ZFR: variants seen among roughly 807,000 people sequenced by gnomAD.
ZFR encodes zinc finger RNA-binding protein.
A neutral mutation model predicts 130.7 loss-of-function variants in ZFR; 19 were observed. That is an observed-to-expected ratio of 0.15 (90% CI 0.10 to 0.21). The LOEUF (loss-of-function observed/expected upper bound fraction) is 0.21, where lower values mean the gene tolerates loss of function less well. Among genes scored for constraint, ZFR ranks in the 10% least tolerant of loss-of-function variants. The pLI is 1.00. For synonymous variants in ZFR, 466 were observed against 456.9 expected (o/e 1.02, Z -0.25); for missense variants, 872 against 1,321.5 (o/e 0.66, Z 5.27).
chr5:32,405,624 C>A (rs1000663350), intron 6 of ZFR, among the ~76,000 whole-genome samples: 3 of 152,164 alleles, frequency 2.0e-5, no homozygotes, highest in African/African-American at 7.2e-5. Flanking sequence ...GACACTAACC[C>A]CTCTGAACAG....
chr5:32,430,922 C>G (rs1687401850), intron 2 of ZFR, among the ~76,000 whole-genome samples: 1 of 151,986 alleles, frequency 6.6e-6, no homozygotes, highest in South Asian at 2.1e-4. Flanking sequence ...CTAAAAAATA[C>G]AAAAATTAGC....
At chr5:32,419,760 T>C (rs1426311925) in intron 3 of ZFR, 61 bp downstream of exon 3, 5 of 1,524,688 alleles carry the variant, frequency 3.3e-6, no homozygotes, top group African/African-American at 1.4e-5. Flanking sequence ...GGGCATTACA[T>C]TATACACTGA....
In ZFR at chr5:32,395,236, C is replaced by G; in HGVS notation, c.1902G>C (p.Glu634Asp). 6.2e-7 allele frequency: 1 copy of G among 1,611,088 alleles called. No individual in the cohort carries two copies. Among genetic ancestry groups the G allele is most frequent in the Non-Finnish European group, 8.5e-7 (1 of 1,178,508 alleles). ...PSIRARKIQE[E>D]KMRKQMQKEE... ...CCTTCTGCATTTGCTTCCTCATTTTCTCTTCTTGAATCTTTCTTGCTCGAA... is the reference window on the plus strand; with the variant it reads ...CCTTCTGCATTTGCTTCCTCATTTTGTCTTCTTGAATCTTTCTTGCTCGAA... Residue 634 changes from glutamate (E) to aspartate (D), a missense_variant, in exon 11 of 20, where the codon GAG becomes GAC. Transcript: ENST00000265069.
intron 6 of ZFR, 62 bp downstream of exon 6, chr5:32,406,712 T>G: frequency 6.5e-7 from 1 of 1,543,604 alleles, no homozygotes; most frequent in Non-Finnish European, 8.7e-7. Flanking sequence ...GCTCAGGAGT[T>G]AGAATACCAA....
rs549048621 is a variant in ZFR at position 32,442,081 on chromosome 5, T to C, written c.137+2148A>G. 3.9e-5 allele frequency among the ~76,000 whole-genome samples: 6 copies of C among 152,312 alleles called. No homozygotes were observed. In the South Asian group the frequency reaches 1.0e-3, roughly 26 times the overall value. ...TCAGCATTTCCTTTCTTCATTTCTA[T>C]CTGTAGGTCTGCATTTAGGAAAAAC... On this transcript the variant is annotated intron_variant, in intron 2 of 19. Transcript: ENST00000265069.
chr5:32,380,028 A>G (rs958048523), intron 16 of ZFR, 47 bp downstream of exon 16: 3 of 1,500,682 alleles, frequency 2.0e-6, no homozygotes, highest in Non-Finnish European at 9.3e-7. Flanking sequence ...GTACTGAACT[A>G]CTTCTCTCAT....
At chr5:32,372,617 G>C (rs76877236) in intron 17 of ZFR, among the ~76,000 whole-genome samples, 5,472 of 152,166 alleles carry the variant, frequency 0.036, 117 homozygotes, top group Middle Eastern at 0.075. Flanking sequence ...CAGATCACTT[G>C]AGGCCAAGAG....
At chr5:32,385,993 C>A (rs114920950) in intron 14 of ZFR, among the ~76,000 whole-genome samples, 2,503 of 152,152 alleles carry the variant, frequency 0.016, 29 homozygotes, top group Non-Finnish European at 0.025. Flanking sequence ...AGCTACCTGA[C>A]CTTAATAGGA....
At chr5:32,379,052 A>G (rs1752885082) in intron 17 of ZFR, 63 bp downstream of exon 17, 1 of 1,223,010 alleles carries the variant, frequency 8.2e-7, no homozygotes, top group Non-Finnish European at 1.2e-6. Flanking sequence ...GTAAACTGAG[A>G]GGATAAAAGC....
chr5:32,415,529 C>CAT (rs1753808352), intron 4 of ZFR, among the ~76,000 whole-genome samples: 1 of 144,642 alleles, frequency 6.9e-6, no homozygotes, highest in African/African-American at 2.6e-5. Flanking sequence ...CGCGCGCGCG[C>CAT]GCGCACTAGT....
intron 17 of ZFR, among the ~76,000 whole-genome samples, chr5:32,373,720 C>T (rs965323728): frequency 4.6e-5 from 7 of 151,552 alleles, no homozygotes; most frequent in African/African-American, 1.7e-4. Flanking sequence ...CTGAAGAATA[C>T]AATACTAGGA....
chr5:32,398,761 A>G (rs925192499), intron 9 of ZFR, among the ~76,000 whole-genome samples: 1 of 150,524 alleles, frequency 6.6e-6, no homozygotes, highest in African/African-American at 2.4e-5. Context: ...ATCTCGGCTC[A>G]CTGCAACCTC....
Position 32,419,888 on chromosome 5 carries a change from T to C in ZFR, c.353A>G (p.Tyr118Cys), listed in dbSNP as rs1753913487. Residue 118 changes from tyrosine (Y) to cysteine (C), a missense_variant, in exon 3 of 20, where the codon TAT becomes TGT. Coordinates refer to ENST00000265069, the MANE Select transcript of ZFR (RefSeq NM_016107.5). ...TTCTTGTTGCCTCTGAGTATAACCA[T>C]AGTCAGTTGCTGTGTGTGCAGTGGG... ...GYPTAHTATD[Y>C]GYTQRQQEAP... The C allele has an allele frequency of 6.2e-7, 1 of 1,613,876 alleles. No homozygotes were observed. The highest frequency in any genetic ancestry group is 1.7e-5 in the Admixed American group (1 of 60,020).
At chr5:32,382,437 T>C (rs764708741) in intron 15 of ZFR, among the ~76,000 whole-genome samples, 1 of 152,230 alleles carries the variant, frequency 6.6e-6, no homozygotes, top group Non-Finnish European at 1.5e-5. Context: ...TTGCTAAAGC[T>C]AGAATGCAAA....
At chr5:32,438,552 C>T (rs542159658) in intron 2 of ZFR, among the ~76,000 whole-genome samples, 3 of 152,162 alleles carry the variant, frequency 2.0e-5, no homozygotes, top group Admixed American at 6.5e-5. Flanking sequence ...CATGAGCCAC[C>T]GCTCCCGGCC....
intron 17 of ZFR, among the ~76,000 whole-genome samples, chr5:32,370,331 GAGAGAGAGAGAGAGAGAGAGAGACAGAC>G (rs1561863890): frequency 3.2e-5 from 1 of 31,424 alleles, no homozygotes; most frequent in African/African-American, 1.2e-4. Flanking sequence ...GAGAGAGAGA[GAGAGAGAGAGAGAGAGAGAGAGACAGAC>G]AGACAGACAG....
chr5:32,356,061 G>T (rs2111637624), intron 19 of ZFR, 122 bp from the exon 20 acceptor site: 1 of 699,436 alleles, frequency 1.4e-6, no homozygotes. Context: ...AACATTTAAA[G>T]GAATTACTTT....
chr5:32,397,663 T>C (rs10056897), intron 9 of ZFR, among the ~76,000 whole-genome samples: 32,395 of 151,880 alleles, frequency 0.21, 4,146 homozygotes, highest in African/African-American at 0.36. Flanking sequence ...GGTTTCACCA[T>C]GTTGGCCAGG....
At chr5:32,375,033 A>G (rs1752766973) in intron 17 of ZFR, among the ~76,000 whole-genome samples, 1 of 152,190 alleles carries the variant, frequency 6.6e-6, no homozygotes, top group Non-Finnish European at 1.5e-5. Context: ...AAAACATAAA[A>G]AATTTGTTTC....
Sources: allele counts gnomAD v4.1 joint callset (sites outside exome capture counted in the v4.1 genomes callset), GRCh38; gene constraint gnomAD v4.1.1; transcripts MANE v1.5; gene names NCBI Gene and HGNC (gene_info 2026-07-23, HGNC 2026-07-21).